Variants in TMEM120B observed in about 807,000 individuals in gnomAD.
TMEM120B encodes transmembrane protein 120B.
TMEM120B carries 31 observed loss-of-function variants against 55.5 expected under a neutral mutation model. That is an observed-to-expected ratio of 0.56 (90% CI 0.42 to 0.75). The LOEUF is 0.75. Ranked by LOEUF, TMEM120B falls within the 30% of genes least tolerant of loss-of-function variation. The pLI, the probability that TMEM120B is intolerant of heterozygous loss-of-function variation, is 0.00. For missense variants in TMEM120B, 399 were observed against 425.5 expected (o/e 0.94, Z 0.55); for synonymous variants, 203 against 176.3 (o/e 1.15, Z -1.20).
chr12:121,714,779 C>G (rs1894667080), intron 1 of TMEM120B, among the ~76,000 whole-genome samples: 1 of 151,294 alleles, frequency 6.6e-6, no homozygotes, highest in Admixed American at 6.6e-5. Context: ...CCAGGATGGT[C>G]TCAATCTCTT....
At chr12:121,718,251 G>A (rs185355961) in intron 1 of TMEM120B, among the ~76,000 whole-genome samples, 63 of 152,320 alleles carry the variant, frequency 4.1e-4, no homozygotes, top group African/African-American at 1.5e-3. Context: ...GGGAGGCTAA[G>A]GAGGGCAGAG....
chr12:121,772,109 T>TTCTCTCTCTC lies in TMEM120B; in HGVS notation c.679+566_679+575dup, dbSNP rs199806160. Among the ~76,000 whole-genome samples the TTCTCTCTCTC allele has an allele frequency of 1.2e-3, 180 of 147,422 alleles. No individual in the cohort carries two copies. In the East Asian group the frequency reaches 0.012, roughly 10 times the overall value. ...TTTCTCTCTCTCTCTCTTTCTCTCT[T>TTCTCTCTCTC]TCTCTCTCTCTCTCTTTCTCTCTTT... On this transcript the variant is annotated intron_variant, in intron 8 of 11. Transcript: ENST00000449592.
At chr12:121,724,104 C>T (rs1262599140) in intron 1 of TMEM120B, among the ~76,000 whole-genome samples, 1 of 128,740 alleles carries the variant, frequency 7.8e-6, no homozygotes, top group Non-Finnish European at 1.6e-5. Context: ...GTGGCACGAT[C>T]TCCACTCACT....
chr12:121,775,169 G>A lies in TMEM120B; in HGVS notation c.906+39G>A, dbSNP rs1463475127. 6.9e-7 allele frequency: 1 copy of A among 1,455,328 alleles called. No individual in the cohort carries two copies. The highest frequency in any genetic ancestry group is 9.5e-7 in the Non-Finnish European group (1 of 1,048,794). The allele number at this position is 1,455,328 out of a possible 1,614,324, so 90.2% of individuals were successfully genotyped here. A position where few individuals can be genotyped will look rare whatever the true frequency, so the allele number is the denominator to read the frequency against. ...GGGCATGCTCGGGGGAGGTTCCCGG[G>A]AGGGCTGGGGTGGCAGGGATGGGGT... is the stretch of plus-strand genomic sequence containing the variant. On this transcript the variant is annotated intron_variant, in intron 11 of 11. Transcript: ENST00000449592. This position sits in a 1 kb window ranked among gnomAD's most constrained non-coding sequence, Gnocchi z 4.3.
intron 1 of TMEM120B, 40 bp from the exon 2 acceptor site, chr12:121,743,589 A>G (rs1239856390): frequency 2.0e-6 from 3 of 1,476,566 alleles, no homozygotes; most frequent in Non-Finnish European, 2.8e-6. Context: ...AGCTGTTCAT[A>G]TTCTCCCACA....
Position 121,776,115 on chromosome 12 carries a change from T to TA in TMEM120B, c.*394dup. 1 of 460,686 alleles carries TA rather than the reference T, an allele frequency of 2.2e-6. No individual in the cohort carries two copies. Among genetic ancestry groups the TA allele is most frequent in the South Asian group, 3.9e-5 (1 of 25,618 alleles). 28.5% of individuals were successfully genotyped at this position (460,686 alleles called of 1,614,324 possible). A position where few individuals can be genotyped will look rare whatever the true frequency, so the allele number is the denominator to read the frequency against. Reference sequence around the variant, plus strand: ...GTTGGATTTATGCTGACCTGCTACTTACCAGGCCCAGGCTGGGGTGGTGTG... The same window carrying TA: ...GTTGGATTTATGCTGACCTGCTACTTAACCAGGCCCAGGCTGGGGTGGTGTG... On this transcript the variant is annotated 3_prime_UTR_variant, in exon 12 of 12. Coordinates refer to ENST00000449592, the MANE Select transcript of TMEM120B (RefSeq NM_001080825.2).
rs571772405 is a variant in TMEM120B, at chr12:121,779,934, G to A, written c.*4212G>A. On this transcript the variant is annotated 3_prime_UTR_variant, in exon 12 of 12. Coordinates refer to ENST00000449592, the MANE Select transcript of TMEM120B (RefSeq NM_001080825.2). ...AGGGAGGGGCTGAATCCTGAGACCC[G>A]GGGTTGGTTCCCCCAGGTGTCTCCC... 35 of 375,572 alleles carry A rather than the reference G, an allele frequency of 9.3e-5. No homozygotes were observed. The East Asian group carries it at 1.2e-3, about 13-fold the overall frequency. The allele number at this position is 375,572 out of a possible 1,614,324, so 23.3% of individuals were successfully genotyped here.
chr12:121,728,572 G>A (rs1286135879), intron 1 of TMEM120B, among the ~76,000 whole-genome samples: 2 of 151,506 alleles, frequency 1.3e-5, no homozygotes, highest in Non-Finnish European at 2.9e-5. Flanking sequence ...CGCCCACCTC[G>A]GCCTCCCAAA....
chr12:121,713,765 C>G (rs1360455352), intron 1 of TMEM120B, among the ~76,000 whole-genome samples: 1 of 152,138 alleles, frequency 6.6e-6, no homozygotes, highest in African/African-American at 2.4e-5. Context: ...TGACTAGAGA[C>G]GCCTCAGGAA....
intron 2 of TMEM120B, among the ~76,000 whole-genome samples, chr12:121,744,333 A>G (rs934098300): frequency 6.6e-6 from 1 of 152,248 alleles, no homozygotes; most frequent in Non-Finnish European, 1.5e-5. Context: ...CTGCTTGGGC[A>G]GCGCCATGCC....
intron 5 of TMEM120B, among the ~76,000 whole-genome samples, chr12:121,760,964 A>G (rs1442804596): frequency 6.6e-6 from 1 of 152,102 alleles, no homozygotes; most frequent in Non-Finnish European, 1.5e-5. Flanking sequence ...CCTTAAATAG[A>G]ACATTAAGTC....
chr12:121,730,890 G>A (rs889221089), intron 1 of TMEM120B, among the ~76,000 whole-genome samples: 17 of 152,100 alleles, frequency 1.1e-4, no homozygotes, highest in Admixed American at 9.8e-4. Flanking sequence ...CCCAGGAGGC[G>A]GAGGTTTCGG....
chr12:121,758,365 G>A (rs569309726), intron 5 of TMEM120B: 14 of 985,474 alleles, frequency 1.4e-5, no homozygotes, highest in Non-Finnish European at 1.7e-5. Context: ...CGGGTCTGTC[G>A]CCTTCAAAGC....
chr12:121,765,640 A>AT (rs1873823046), intron 6 of TMEM120B, among the ~76,000 whole-genome samples: 1 of 152,098 alleles, frequency 6.6e-6, no homozygotes, highest in Non-Finnish European at 1.5e-5. Context: ...TTTTGCAGTC[A>AT]TTTTTTGCAC....
At chr12:121,770,806 G>A in intron 6 of TMEM120B, 101 bp from the exon 7 acceptor site, 1 of 1,074,918 alleles carries the variant, frequency 9.3e-7, no homozygotes, top group South Asian at 1.3e-5. Flanking sequence ...AGCCGTCTCT[G>A]AGTGCAGAGT....
At chr12:121,718,206 G>A (rs539802225) in intron 1 of TMEM120B, among the ~76,000 whole-genome samples, 3 of 152,312 alleles carry the variant, frequency 2.0e-5, no homozygotes, top group Non-Finnish European at 4.4e-5. Context: ...CCCATGGCCT[G>A]GCGCAGTGGC....
intron 1 of TMEM120B, among the ~76,000 whole-genome samples, chr12:121,739,399 C>T (rs1381132222): frequency 1.3e-5 from 2 of 152,140 alleles, no homozygotes; most frequent in South Asian, 2.1e-4. Context: ...GTTATATCAA[C>T]GTTACATTTT....
chr12:121,763,022 TCA>T (rs986574172), intron 6 of TMEM120B, among the ~76,000 whole-genome samples: 4 of 152,144 alleles, frequency 2.6e-5, no homozygotes, highest in East Asian at 1.9e-4. Context: ...TTGTTTTCTC[TCA>T]GTCTCTTTCC....
At position 121,776,159 on chromosome 12, in the gene TMEM120B, G is replaced by A; in HGVS notation, c.*437G>A. The A allele has an allele frequency of 2.7e-6, 1 of 370,298 alleles. No individual in the cohort carries two copies. Among genetic ancestry groups the A allele is most frequent in the Non-Finnish European group, 4.8e-6 (1 of 207,154 alleles). 22.9% of individuals were successfully genotyped at this position (370,298 alleles called of 1,614,324 possible). A position where few individuals can be genotyped will look rare whatever the true frequency, so the allele number is the denominator to read the frequency against. On this transcript the variant is annotated 3_prime_UTR_variant, in exon 12 of 12. Transcript: ENST00000449592. ...TGGTGTGAACCCTCAGTGTCCTGTG[G>A]CGCCCCCACCCCGGGGCCACTCTGC...
Sources: allele counts gnomAD v4.1 joint callset (sites outside exome capture counted in the v4.1 genomes callset), GRCh38; gene constraint gnomAD v4.1.1; non-coding constraint Gnocchi (gnomAD v3.1); transcripts MANE v1.5; gene names NCBI Gene and HGNC (gene_info 2026-07-23, HGNC 2026-07-21).